The following AKAP6 variants were observed in gnomAD, a reference collection of about 807,000 sequenced individuals.
AKAP6 encodes A-kinase anchor protein 6.
In AKAP6, 58 loss-of-function variants were observed where a neutral mutation model predicts 188.5. The ratio of observed to expected loss-of-function variants is 0.31; its 90% CI spans 0.25 to 0.38. AKAP6 has a LOEUF of 0.38. Ranked by LOEUF, AKAP6 falls within the 10% of genes least tolerant of loss-of-function variation. The pLI, the probability that AKAP6 is intolerant of heterozygous loss-of-function variation, is 1.00. For missense variants in AKAP6, 2,710 were observed against 2,740.0 expected (o/e 0.99, Z 0.24); for synonymous variants, 989 against 998.6 (o/e 0.99, Z 0.18).
At chr14:32,813,726 A>C (rs953098508) in intron 12 of AKAP6, among the ~76,000 whole-genome samples, 2 of 152,186 alleles carry the variant, frequency 1.3e-5, no homozygotes, top group Admixed American at 6.5e-5. Flanking sequence ...ACAGTAAGAA[A>C]GGGAAGAAAA....
intron 3 of AKAP6, among the ~76,000 whole-genome samples, chr14:32,543,578 G>T (rs1883059809): frequency 1.3e-5 from 2 of 152,124 alleles, no homozygotes; most frequent in South Asian, 4.1e-4. Flanking sequence ...GGGATTGGTA[G>T]TTCAATTTTT....
chr14:32,823,671 T>C lies in AKAP6; in HGVS notation c.5858T>C (p.Val1953Ala), dbSNP rs1384989797. 2 of 1,613,668 alleles carry C rather than the reference T, an allele frequency of 1.2e-6. No individual in the cohort carries two copies. The highest frequency in any genetic ancestry group is 2.2e-5 in the East Asian group (1 of 44,876). Reference sequence around the variant, plus strand: ...TCAAATACTGCTGGCAAGGAATTTGTTTCCCAAGATGTTAGACATCTTCCA... The same window carrying C: ...TCAAATACTGCTGGCAAGGAATTTGCTTCCCAAGATGTTAGACATCTTCCA... The part of the protein sequence containing the change: ...DDSNTAGKEF[V>A]SQDVRHLPKK... The change falls in exon 13 of 14, where the codon GTT becomes GCT. Residue 1953 changes from valine to alanine, a missense_variant. Val to Ala is a moderately conservative substitution (Grantham distance 64). Transcript: ENST00000280979.
At chr14:32,372,342 AT>A (rs1410619902) in intron 1 of AKAP6, among the ~76,000 whole-genome samples, 1 of 151,586 alleles carries the variant, frequency 6.6e-6, no homozygotes. Flanking sequence ...ACTAGTTAAG[AT>A]TTTTTATAAA....
intron 1 of AKAP6, among the ~76,000 whole-genome samples, chr14:32,352,134 T>TGTGTGA (rs1566458785): frequency 1.7e-4 from 24 of 142,666 alleles, no homozygotes; most frequent in African/African-American, 5.5e-4. Context: ...TGTGTGTGTG[T>TGTGTGA]GAAGGGGGTG....
Position 32,546,833 on chromosome 14 carries a change from G to A in AKAP6, c.2180G>A (p.Ser727Asn). ...GACATTCTTTCTGATGAGGAGTCCA[G>A]TATGCCTCTCGCTGGCATGAAAAAG... is the stretch of plus-strand genomic sequence containing the variant. ...LSDILSDEES[S>N]MPLAGMKKYA... The change falls in exon 4 of 14, where the codon AGT becomes AAT. Residue 727 changes from serine to asparagine, a missense_variant. Around this residue, in one of 2 missense-constraint regions of AKAP6, gnomAD observed 2,473 missense variants for 2,426.1 expected, o/e 1.02. Transcript: ENST00000280979. The A allele has an allele frequency of 6.2e-7, 1 of 1,614,096 alleles. No homozygotes were observed. The highest frequency in any genetic ancestry group is 2.2e-5 in the East Asian group (1 of 44,872).
At chr14:32,506,137 C>T (rs1880865161) in intron 2 of AKAP6, among the ~76,000 whole-genome samples, 1 of 151,384 alleles carries the variant, frequency 6.6e-6, no homozygotes, top group Non-Finnish European at 1.5e-5. Context: ...AGTGAGACTC[C>T]ATCTCAAATA....
rs2031230197 is a variant in AKAP6 at position 32,732,591 on chromosome 14, A to C, written c.3138A>C (p.Glu1046Asp). ...TGGATTCAATTAATGAAAAATGGGA[A>C]CTGCTTGGGGTATTTGCATTTTTAT... is the stretch of plus-strand genomic sequence containing the variant. The part of the protein sequence containing the change: ...EKVDSINEKW[E>D]LLGKTLGEKI... Residue 1046 changes from glutamate to aspartate, a missense_variant, in exon 10 of 14, where the codon GAA becomes GAC. Physicochemically the swap from Glu to Asp is conservative, Grantham distance 45 (BLOSUM62 2). Coordinates refer to ENST00000280979, the MANE Select transcript of AKAP6 (RefSeq NM_004274.5). The C allele has an allele frequency of 6.2e-7, 1 of 1,613,516 alleles. No homozygotes were observed. The highest frequency in any genetic ancestry group is 1.1e-5 in the South Asian group (1 of 91,068).
chr14:32,397,724 C>T (rs1188627118), intron 1 of AKAP6, among the ~76,000 whole-genome samples: 1 of 152,146 alleles, frequency 6.6e-6, no homozygotes, highest in African/African-American at 2.4e-5. Context: ...GCACTATTTG[C>T]CACATTCTGT....
chr14:32,342,037 A>G (rs1482833684), intron 1 of AKAP6, among the ~76,000 whole-genome samples: 4 of 151,744 alleles, frequency 2.6e-5, no homozygotes, highest in Non-Finnish European at 5.9e-5. Context: ...AAATAAAATA[A>G]CTCTCTTGAG....
At chr14:32,604,367 A>G (rs902410542) in intron 7 of AKAP6, among the ~76,000 whole-genome samples, 2 of 152,166 alleles carry the variant, frequency 1.3e-5, no homozygotes, top group African/African-American at 4.8e-5. Context: ...TTCTCTCTCC[A>G]CAATCTTGGC....
chr14:32,580,083 T>A (rs1182249258), intron 5 of AKAP6, among the ~76,000 whole-genome samples: 1 of 152,156 alleles, frequency 6.6e-6, no homozygotes, highest in Non-Finnish European at 1.5e-5. Flanking sequence ...AAGTTGTATG[T>A]TCATACTTTG....
intron 12 of AKAP6, among the ~76,000 whole-genome samples, chr14:32,800,179 T>TATATATAC (rs374652364): frequency 8.9e-4 from 49 of 54,772 alleles, no homozygotes; most frequent in East Asian, 7.1e-3. Flanking sequence ...TATATACATA[T>TATATATAC]ATATATACAC....
chr14:32,722,393 A>G (rs118071076), intron 9 of AKAP6, among the ~76,000 whole-genome samples: 94 of 152,198 alleles, frequency 6.2e-4, no homozygotes, highest in Admixed American at 1.0e-3. Flanking sequence ...TCCTTTCAAT[A>G]TGGACAGGAA....
At chr14:32,680,188 C>T (rs564431606) in intron 8 of AKAP6, among the ~76,000 whole-genome samples, 1 of 152,276 alleles carries the variant, frequency 6.6e-6, no homozygotes, top group South Asian at 2.1e-4. Context: ...TTTGTTTATG[C>T]TCCTTGGGGT....
At chr14:32,599,369 A>C in intron 5 of AKAP6, 41 bp from the exon 6 acceptor site, 1 of 1,544,344 alleles carries the variant, frequency 6.5e-7, no homozygotes, top group Non-Finnish European at 8.9e-7. Flanking sequence ...TTTATGTGTA[A>C]CTGCCTTGCC....
chr14:32,540,879 A>AT (rs57000522), intron 3 of AKAP6, among the ~76,000 whole-genome samples: 29,518 of 144,946 alleles, frequency 0.2, 3,273 homozygotes, highest in African/African-American at 0.31. Context: ...TCAGGGAGGG[A>AT]TTTTTTTTTT....
chr14:32,654,775 G>A (rs1056876490), intron 7 of AKAP6, among the ~76,000 whole-genome samples: 1 of 151,910 alleles, frequency 6.6e-6, no homozygotes, highest in Non-Finnish European at 1.5e-5. Context: ...CTTGAGCCTG[G>A]AATATCGAGG....
At position 32,484,981 on chromosome 14, in the gene AKAP6, A is replaced by G. The variant is rs1879602052; in HGVS notation, c.325-50573A>G. Among the ~76,000 whole-genome samples the G allele has an allele frequency of 2.7e-5, 2 of 74,296 alleles. 1 individual carries two copies. Among genetic ancestry groups the G allele is most frequent in the Non-Finnish European group, 4.4e-5 (2 of 45,156 alleles). The allele number at this position is 74,296 out of a possible 152,430, so 48.7% of individuals were successfully genotyped here. On this transcript the variant is annotated intron_variant, in intron 2 of 13. Transcript: ENST00000280979. Reference sequence around the variant, plus strand: ...TTCCTGCGGCGGGAGAAGTAGATTGAAGCGTTGATTAGGGTGTTTAGCTGT... The same window carrying G: ...TTCCTGCGGCGGGAGAAGTAGATTGGAGCGTTGATTAGGGTGTTTAGCTGT...
At chr14:32,772,139 T>A (rs563963164) in intron 11 of AKAP6, among the ~76,000 whole-genome samples, 1 of 152,080 alleles carries the variant, frequency 6.6e-6, no homozygotes, top group Non-Finnish European at 1.5e-5. Context: ...AGGGGAGACA[T>A]TTGACAGGGT....
Sources: allele counts gnomAD v4.1 joint callset (sites outside exome capture counted in the v4.1 genomes callset), GRCh38; gene constraint gnomAD v4.1.1; regional missense constraint gnomAD v4.1.1; transcripts MANE v1.5; gene names NCBI Gene and HGNC (gene_info 2026-07-23, HGNC 2026-07-21).